ARHGAP15: variants seen among roughly 807,000 people sequenced by gnomAD.
The protein encoded by ARHGAP15 is rho GTPase-activating protein 15.
ARHGAP15 carries 51 observed loss-of-function variants against 63.7 expected under a neutral mutation model. The ratio of observed to expected loss-of-function variants is 0.80; its 90% CI spans 0.64 to 1.01. The LOEUF is 1.01. Among genes scored for constraint, ARHGAP15 ranks in the 50% least tolerant of loss-of-function variants. The probability of loss-of-function intolerance (pLI) is 0.00; values close to 1 mark genes in which losing one functional copy is unlikely to be tolerated. For missense variants in ARHGAP15, 560 were observed against 564.6 expected, an observed-to-expected ratio of 0.99 and a Z score of 0.08; for synonymous variants, 191 against 193.8, an observed-to-expected ratio of 0.99 and a Z score of 0.12.
chr2:143,699,919 C>T (rs561856292), intron 12 of ARHGAP15, among the ~76,000 whole-genome samples: 5 of 152,148 alleles, frequency 3.3e-5, no homozygotes, highest in African/African-American at 4.8e-5. Context: ...GAGTAAGAAA[C>T]TTCTCCAAGA....
At chr2:143,346,485 A>T (rs2105301272) in intron 6 of ARHGAP15, among the ~76,000 whole-genome samples, 1 of 152,202 alleles carries the variant, frequency 6.6e-6, no homozygotes, top group Admixed American at 6.6e-5. Flanking sequence ...GTTATGTCCA[A>T]ATTGACAGTA....
chr2:143,158,893 T>A (rs566826331), intron 2 of ARHGAP15, among the ~76,000 whole-genome samples: 1 of 151,984 alleles, frequency 6.6e-6, no homozygotes, highest in African/African-American at 2.4e-5. Context: ...GCAAAAGGTT[T>A]AATGTGGCTT....
intron 3 of ARHGAP15, among the ~76,000 whole-genome samples, chr2:143,210,577 A>G (rs1025022744): frequency 6.6e-6 from 1 of 152,156 alleles, no homozygotes; most frequent in African/African-American, 2.4e-5. Context: ...GGTTTAAGAC[A>G]TTCAGCATAA....
intron 6 of ARHGAP15, among the ~76,000 whole-genome samples, chr2:143,278,456 G>T (rs1371577534): frequency 6.6e-6 from 1 of 152,098 alleles, no homozygotes; most frequent in African/African-American, 2.4e-5. Flanking sequence ...CCCAACTTAA[G>T]GCTCTACTAG....
intron 12 of ARHGAP15, among the ~76,000 whole-genome samples, chr2:143,646,735 T>G (rs1252815413): frequency 6.6e-6 from 1 of 152,076 alleles, no homozygotes; most frequent in Non-Finnish European, 1.5e-5. Context: ...AGACCAGAGA[T>G]GTGACCCACA....
At chr2:143,165,890 T>C (rs1188203437) in intron 2 of ARHGAP15, among the ~76,000 whole-genome samples, 3 of 150,324 alleles carry the variant, frequency 2.0e-5, no homozygotes, top group Non-Finnish European at 4.4e-5. Context: ...TTTACATTCC[T>C]GGATGTACTA....
At chr2:143,647,012 A>G (rs2105288622) in intron 12 of ARHGAP15, among the ~76,000 whole-genome samples, 1 of 152,158 alleles carries the variant, frequency 6.6e-6, no homozygotes, top group African/African-American at 2.4e-5. Context: ...CATTTTCTGG[A>G]TGTGAGAGTT....
chr2:143,178,580 A>G (rs551019408), intron 2 of ARHGAP15, among the ~76,000 whole-genome samples: 2 of 152,284 alleles, frequency 1.3e-5, no homozygotes, highest in East Asian at 1.9e-4. Flanking sequence ...TAAACCTACA[A>G]ACAAAATGTT....
Position 143,768,303 on chromosome 2 carries a change from G to A in ARHGAP15, c.*131G>A. ...ATGCCTCATTTTGTGAAAACTTAAT[G>A]ATGATTTTGTGTTTAAGTTCCAAAC... On this transcript the variant is annotated 3_prime_UTR_variant, in exon 14 of 14. Coordinates refer to ENST00000295095, the MANE Select transcript of ARHGAP15 (RefSeq NM_018460.4). 1 of 862,944 alleles carries A rather than the reference G, an allele frequency of 1.2e-6. No individual in the cohort carries two copies. Among genetic ancestry groups the A allele is most frequent in the Non-Finnish European group, 1.8e-6 (1 of 569,400 alleles). 53.5% of individuals were successfully genotyped at this position (862,944 alleles called of 1,614,324 possible).
chr2:143,499,854 A>G (rs12989431), intron 9 of ARHGAP15, among the ~76,000 whole-genome samples: 40,287 of 151,964 alleles, frequency 0.27, 6,134 homozygotes, highest in East Asian at 0.71. Context: ...AACAATTATT[A>G]TTATTTTCAT....
intron 2 of ARHGAP15, among the ~76,000 whole-genome samples, chr2:143,171,717 A>G (rs1229471550): frequency 1.3e-5 from 2 of 152,058 alleles, no homozygotes; most frequent in Non-Finnish European, 2.9e-5. Flanking sequence ...GAATCCGTCC[A>G]CCCCTATGAA....
At chr2:143,517,013 G>A (rs1693853340) in intron 9 of ARHGAP15, among the ~76,000 whole-genome samples, 2 of 152,054 alleles carry the variant, frequency 1.3e-5, no homozygotes, top group East Asian at 1.9e-4. Context: ...GCAGTGGCGC[G>A]ATCTCAGCTC....
At chr2:143,685,564 T>C (rs1683296343) in intron 12 of ARHGAP15, among the ~76,000 whole-genome samples, 1 of 152,218 alleles carries the variant, frequency 6.6e-6, no homozygotes, top group African/African-American at 2.4e-5. Flanking sequence ...CTTGCTCTAA[T>C]GCCAGTTCAT....
At chr2:143,308,653 T>A (rs1683292566) in intron 6 of ARHGAP15, among the ~76,000 whole-genome samples, 1 of 152,070 alleles carries the variant, frequency 6.6e-6, no homozygotes, top group Admixed American at 6.6e-5. Context: ...TGTCATGAAA[T>A]GCTGGGGAAT....
chr2:143,350,338 TAGG>T lies in ARHGAP15; in HGVS notation c.475-85260_475-85258del, dbSNP rs554144331. The stretch of plus-strand genomic sequence containing the variant: ...CCTGAGTTTCAACATCTGTAATAGT[TAGG>T]AGAGTTCATGTAGAACTCTACACTC... On this transcript the variant is annotated intron_variant, in intron 6 of 13. Coordinates refer to ENST00000295095, the MANE Select transcript of ARHGAP15 (RefSeq NM_018460.4). Among the ~76,000 whole-genome samples, 485 of 152,226 alleles carry T rather than the reference TAGG, an allele frequency of 3.2e-3. 5 individuals carry two copies. The highest frequency in any genetic ancestry group is 0.017 in the Middle Eastern group (5 of 294).
intron 11 of ARHGAP15, among the ~76,000 whole-genome samples, chr2:143,604,678 T>A (rs146704474): frequency 6.6e-6 from 1 of 152,186 alleles, no homozygotes; most frequent in Non-Finnish European, 1.5e-5. Flanking sequence ...ATGTATGTTA[T>A]ATATTCCACT....
At chr2:143,333,921 G>C (rs563718447) in intron 6 of ARHGAP15, among the ~76,000 whole-genome samples, 10 of 152,130 alleles carry the variant, frequency 6.6e-5, no homozygotes, top group African/African-American at 2.4e-4. Context: ...AATCCTAAAA[G>C]TGTAATTTAC....
intron 10 of ARHGAP15, among the ~76,000 whole-genome samples, chr2:143,536,810 T>C (rs548579649): frequency 0.035 from 5,323 of 151,930 alleles, 116 homozygotes; most frequent in Middle Eastern, 0.071. Flanking sequence ...TCTTTGCTAT[T>C]GTGAATAGTG....
intron 12 of ARHGAP15, among the ~76,000 whole-genome samples, chr2:143,643,572 A>G (rs1416889774): frequency 6.6e-6 from 1 of 152,014 alleles, no homozygotes; most frequent in Non-Finnish European, 1.5e-5. Flanking sequence ...GTGAATATAG[A>G]GTCTAGGAAT....
Sources: allele counts gnomAD v4.1 joint callset (sites outside exome capture counted in the v4.1 genomes callset), GRCh38; gene constraint gnomAD v4.1.1; transcripts MANE v1.5; gene names NCBI Gene and HGNC (gene_info 2026-07-23, HGNC 2026-07-21).